Variants in AKAP13 observed in about 807,000 individuals in gnomAD.
AKAP13 encodes the protein A-kinase anchor protein 13.
A neutral mutation model predicts 264.5 loss-of-function variants in AKAP13; 80 were observed. The observed-to-expected ratio is 0.30, with a 90% CI of 0.25 to 0.36. The LOEUF (loss-of-function observed/expected upper bound fraction) is 0.36, where lower values mean the gene tolerates loss of function less well. Ranked by LOEUF, AKAP13 falls within the 10% of genes least tolerant of loss-of-function variation. AKAP13 has a pLI of 1.00. For synonymous variants in AKAP13, 1,380 were observed against 1,250.2 expected (o/e 1.10, Z -2.19); for missense variants, 3,712 against 3,435.2 (o/e 1.08, Z -2.01).
At chr15:85,558,919 C>T (rs2078247516) in intron 5 of AKAP13, among the ~76,000 whole-genome samples, 1 of 151,794 alleles carries the variant, frequency 6.6e-6, no homozygotes, top group Non-Finnish European at 1.5e-5. Flanking sequence ...TGAGTGTGTA[C>T]TCCTCCCTTC....
chr15:85,419,943 T>TC (rs1567047594), intron 1 of AKAP13, among the ~76,000 whole-genome samples: 1 of 138,428 alleles, frequency 7.2e-6, no homozygotes, highest in East Asian at 2.0e-4. Context: ...TTGTTTTTTT[T>TC]TTTTTTTTTT....
chr15:85,585,523 T>A (rs1567140987), intron 7 of AKAP13, among the ~76,000 whole-genome samples, 179 bp from the exon 8 acceptor site: 1 of 152,184 alleles, frequency 6.6e-6, no homozygotes, highest in African/African-American at 2.4e-5. Flanking sequence ...AACCATGCGA[T>A]AAAGGAATAG....
At chr15:85,381,074 C>T (rs1005141158) in intron 1 of AKAP13, among the ~76,000 whole-genome samples, 6 of 151,476 alleles carry the variant, frequency 4.0e-5, no homozygotes, top group African/African-American at 1.5e-4. Flanking sequence ...ACTTAGAGGC[C>T]GTCGCCGCTT....
At chr15:85,413,433 T>C (rs2072081218) in intron 1 of AKAP13, among the ~76,000 whole-genome samples, 1 of 152,166 alleles carries the variant, frequency 6.6e-6, no homozygotes, top group African/African-American at 2.4e-5. Flanking sequence ...CATTCAGGGG[T>C]ATAGAAACTT....
chr15:85,426,405 T>C (rs1043611905), intron 1 of AKAP13, among the ~76,000 whole-genome samples: 1 of 152,172 alleles, frequency 6.6e-6, no homozygotes. Context: ...AAAACAAAAA[T>C]AGGTAGAAAT....
chr15:85,524,604 G>A (rs577160546), intron 3 of AKAP13, among the ~76,000 whole-genome samples: 1 of 152,168 alleles, frequency 6.6e-6, no homozygotes, highest in East Asian at 1.9e-4. Flanking sequence ...AAAACCAAAG[G>A]ATTGATTAAC....
At chr15:85,442,016 C>G (rs1476117753) in intron 1 of AKAP13, among the ~76,000 whole-genome samples, 1 of 152,178 alleles carries the variant, frequency 6.6e-6, no homozygotes, top group Non-Finnish European at 1.5e-5. Context: ...AAGAAGGTGA[C>G]TCTGTTATCC....
intron 17 of AKAP13, among the ~76,000 whole-genome samples, chr15:85,699,100 A>G (rs1354187193): frequency 6.6e-6 from 1 of 152,124 alleles, no homozygotes; most frequent in Admixed American, 6.5e-5. Context: ...TAAATAGAAC[A>G]ATATATACAG....
chr15:85,746,281 GTTTTA>G lies in AKAP13; in HGVS notation c.*1608_*1612del, dbSNP rs1221833551. 6.6e-6 allele frequency: 1 copy of G among 152,372 alleles called. No individual in the cohort carries two copies. The highest frequency in any genetic ancestry group is 1.9e-4 in the East Asian group (1 of 5,192). The allele number at this position is 152,372 out of a possible 1,614,324, so 9.4% of individuals were successfully genotyped here. A position where few individuals can be genotyped will look rare whatever the true frequency, so the allele number is the denominator to read the frequency against. ...GGTTTAAAATTTGTAGCCTACATTT[GTTTTA>G]TTTATTGTATTTGTGTGTTTGTGTT... On this transcript the variant is annotated 3_prime_UTR_variant, in exon 37 of 37. Transcript: ENST00000394518.
intron 1 of AKAP13, among the ~76,000 whole-genome samples, chr15:85,429,282 A>G (rs1303918691): frequency 6.6e-6 from 1 of 152,140 alleles, no homozygotes; most frequent in Non-Finnish European, 1.5e-5. Context: ...TACTTCTAGC[A>G]GTTTTCTCAG....
intron 36 of AKAP13, 137 bp from the exon 37 acceptor site, chr15:85,744,491 C>A: frequency 1.1e-6 from 1 of 890,624 alleles, no homozygotes; most frequent in Non-Finnish European, 1.9e-6. Flanking sequence ...TTCAGAAACC[C>A]CGGTGCGCAG....
intron 1 of AKAP13, among the ~76,000 whole-genome samples, chr15:85,401,236 T>C (rs763876008): frequency 2.0e-5 from 3 of 152,202 alleles, no homozygotes; most frequent in Non-Finnish European, 4.4e-5. Flanking sequence ...AGATAGTTAA[T>C]TCAGATGTGG....
At chr15:85,619,666 T>C in intron 8 of AKAP13, 3 of 988,920 alleles carry the variant, frequency 3.0e-6, no homozygotes, top group Non-Finnish European at 3.6e-6. Flanking sequence ...TGGATTTTTA[T>C]TGCCTTCTTG....
Position 85,730,606 on chromosome 15 carries a change from C to T in AKAP13, c.7181C>T (p.Pro2394Leu). ...RDMAECSTPLPEDCSPTHSPR... is the reference protein window; with the variant it reads ...RDMAECSTPLLEDCSPTHSPR... The stretch of plus-strand genomic sequence containing the variant: ...ATGGCTGAGTGCAGCACCCCTCTCC[C>T]AGAGGATTGCTCCCCAACACATAGC... The change falls in exon 30 of 37, where the codon CCA becomes CTA. Residue 2394 changes from proline to leucine, a missense_variant. Pro to Leu is a moderately conservative substitution (Grantham distance 98). This residue lies in a region of AKAP13 where 611 missense variants were observed against 539.3 expected (regional missense o/e 1.13). Transcript: ENST00000394518. 1 of 1,614,156 alleles carries T rather than the reference C, an allele frequency of 6.2e-7. No homozygotes were observed. Among genetic ancestry groups the T allele is most frequent in the South Asian group, 1.1e-5 (1 of 91,080 alleles).
intron 5 of AKAP13, among the ~76,000 whole-genome samples, chr15:85,550,142 C>T (rs958573769): frequency 2.0e-5 from 3 of 152,138 alleles, no homozygotes; most frequent in African/African-American, 7.2e-5. Context: ...GTCTCGATTT[C>T]GTGACCTCGT....
In AKAP13 at chr15:85,579,602, A is replaced by G. The variant is rs375018126; in HGVS notation, c.1534A>G (p.Asn512Asp). The G allele has an allele frequency of 6.8e-6, 11 of 1,614,116 alleles. No homozygotes were observed. The highest frequency in any genetic ancestry group is 1.7e-5 in the Admixed American group (1 of 60,010). The change falls in exon 7 of 37, where the codon AAT (asparagine) becomes GAT (aspartate). Residue 512 changes from asparagine (N) to aspartate (D), a missense_variant. Asn to Asp is a conservative substitution (Grantham distance 23). Around this residue, in one of 3 missense-constraint regions of AKAP13, gnomAD observed 2,759 missense variants for 2,411.7 expected, o/e 1.14. Transcript: ENST00000394518. ...ESTKERFENS[N>D]IGTAGASDVH... ...TACAAAGGAAAGATTTGAGAACTCT[A>G]ATATTGGCACAGCTGGAGCCTCTGA...
At chr15:85,442,897 T>C (rs2073759914) in intron 1 of AKAP13, among the ~76,000 whole-genome samples, 1 of 152,118 alleles carries the variant, frequency 6.6e-6, no homozygotes. Context: ...CTAGGCCTTG[T>C]ATCCCAGAAA....
chr15:85,713,341 A>C (rs900050982), intron 19 of AKAP13, among the ~76,000 whole-genome samples: 5 of 152,094 alleles, frequency 3.3e-5, no homozygotes, highest in African/African-American at 1.2e-4. Context: ...TTAATACTAC[A>C]TAATTACTTC....
rs771011006 is a variant in AKAP13, at chr15:85,585,793, G to A, written c.4131G>A (p.Leu1377=). Residue 1377 remains leucine (L), a synonymous_variant, in exon 8 of 37, where the codon CTG becomes CTA. Coordinates refer to ENST00000394518, the MANE Select transcript of AKAP13 (RefSeq NM_007200.5). ...EVAVGSIAAT[L]KMKQGPMTQA... ...CTGTAGGGAGCATAGCTGCTACACT[G>A]AAGATGAAGCAAGGCCCAATGACCC... 5 of 1,613,994 alleles carry A rather than the reference G, an allele frequency of 3.1e-6. No homozygotes were observed. Among genetic ancestry groups the A allele is most frequent in the Non-Finnish European group, 4.2e-6 (5 of 1,179,990 alleles).
Sources: gnomAD v4.1 joint callset for allele counts (sites outside exome capture counted in the v4.1 genomes callset) on GRCh38, gnomAD v4.1.1 for gene constraint, gnomAD v4.1.1 regional missense constraint, MANE v1.5 for transcripts, NCBI Gene and HGNC (gene_info 2026-07-23, HGNC 2026-07-21) for gene names.